CLDN15: variants seen among roughly 807,000 people sequenced by gnomAD.
The protein encoded by CLDN15 is claudin 15.
A neutral mutation model predicts 24.5 loss-of-function variants in CLDN15; 9 were observed. The observed-to-expected ratio is 0.37, with a 90% CI of 0.22 to 0.64. The LOEUF (loss-of-function observed/expected upper bound fraction) is 0.64, where lower values mean the gene tolerates loss of function less well. Ranked by LOEUF, CLDN15 falls within the 30% of genes least tolerant of loss-of-function variation. The pLI is 0.63. For missense variants in CLDN15, 248 were observed against 305.9 expected (o/e 0.81, Z 1.41); for synonymous variants, 149 against 131.4 (o/e 1.13, Z -0.92).
chr7:101,236,918 A>T (rs1052567685), intron 1 of CLDN15: 1 of 837,770 alleles, frequency 1.2e-6, no homozygotes. Context: ...AGAATCCAAG[A>T]TGGGGCCTCC....
At chr7:101,237,920 T>A, upstream of CLDN15, 2 of 352,120 alleles carry the variant, frequency 5.7e-6, no homozygotes, top group Non-Finnish European at 1.1e-5. This position sits in a 1 kb window ranked among gnomAD's most constrained non-coding sequence, Gnocchi z 4.0. Context: ...CCCACGAGGG[T>A]GGGGGGGGCA....
At chr7:101,236,372 C>T (rs1798624226) in intron 1 of CLDN15, among the ~76,000 whole-genome samples, 1 of 152,160 alleles carries the variant, frequency 6.6e-6, no homozygotes, top group Non-Finnish European at 1.5e-5. Context: ...GCACAGGAGA[C>T]CCACCCAGGC....
In CLDN15 at chr7:101,237,660, C is replaced by T. The variant is rs922201795; in HGVS notation, c.-79G>A. The T allele has an allele frequency of 2.0e-5, 21 of 1,040,150 alleles. No homozygotes were observed. The highest frequency in any genetic ancestry group is 9.5e-5 in the African/African-American group (6 of 63,378). The allele number at this position is 1,040,150 out of a possible 1,614,324, so 64.4% of individuals were successfully genotyped here. A position where few individuals can be genotyped will look rare whatever the true frequency, so the allele number is the denominator to read the frequency against. ...ACCCCTAGGGAACTGGAAGGGGCTG[C>T]GGCTAAGGAGGGTTGTCCAGGCAGG... On this transcript the variant is annotated 5_prime_UTR_variant, in exon 1 of 5. Transcript: ENST00000308344. This position sits in a 1 kb window ranked among gnomAD's most constrained non-coding sequence, Gnocchi z 4.0.
At chr7:101,233,017 C>A in intron 2 of CLDN15, 103 bp from the exon 3 acceptor site, 1 of 759,884 alleles carries the variant, frequency 1.3e-6, no homozygotes, top group South Asian at 1.5e-5. Context: ...AGGACGGGGG[C>A]ACCAAGTCCC....
Position 101,232,344 on chromosome 7 carries a change from G to C in CLDN15, c.*66C>G. On this transcript the variant is annotated 3_prime_UTR_variant, in exon 5 of 5. Coordinates refer to ENST00000308344, the MANE Select transcript of CLDN15 (RefSeq NM_014343.3). ...GCCCCTGAGGTTACTATAGGGGAAT[G>C]GGCCCCGGCCAGGTCCCCTCTCCTT... The C allele has an allele frequency of 8.4e-7, 1 of 1,193,494 alleles. No homozygotes were observed. Among genetic ancestry groups the C allele is most frequent in the South Asian group, 1.3e-5 (1 of 76,690 alleles). 73.9% of individuals were successfully genotyped at this position (1,193,494 alleles called of 1,614,324 possible).
At chr7:101,234,136 CA>C (rs1196026389) in intron 2 of CLDN15, 141 bp downstream of exon 2, 1 of 791,670 alleles carries the variant, frequency 1.3e-6, no homozygotes, top group African/African-American at 1.7e-5. Flanking sequence ...ACAGATGAGG[CA>C]GGGGTGAGCA....
In CLDN15 at chr7:101,232,360, C is replaced by A. The variant is rs1166995174; in HGVS notation, c.*50G>T. On this transcript the variant is annotated 3_prime_UTR_variant, in exon 5 of 5. Coordinates refer to ENST00000308344, the MANE Select transcript of CLDN15 (RefSeq NM_014343.3). ...TAGGGGAATGGGCCCCGGCCAGGTC[C>A]CCTCTCCTTGGGGCAGTGGGAAGAC... 1 of 1,371,064 alleles carries A rather than the reference C, an allele frequency of 7.3e-7. No individual in the cohort carries two copies. The allele number at this position is 1,371,064 out of a possible 1,614,324, so 84.9% of individuals were successfully genotyped here. A position where few individuals can be genotyped will look rare whatever the true frequency, so the allele number is the denominator to read the frequency against.
chr7:101,232,591 T>A lies in CLDN15; in HGVS notation c.581+13A>T. On this transcript the variant is annotated intron_variant, in intron 4 of 4. Coordinates refer to ENST00000308344, the MANE Select transcript of CLDN15 (RefSeq NM_014343.3). ...ATCCCGCCCGGCCCCAGCCTGCGCC[T>A]CACCCTGCTCACCTGGCGGCTGGGT... is the stretch of plus-strand genomic sequence containing the variant. 1.3e-6 allele frequency: 2 copies of A among 1,593,654 alleles called. No individual in the cohort carries two copies. Among genetic ancestry groups the A allele is most frequent in the Non-Finnish European group, 1.7e-6 (2 of 1,169,734 alleles).
rs1798515515 is a variant in CLDN15 at position 101,232,310 on chromosome 7, G to C, written c.*100C>G. ...GCCGGGGCGGGGCTACGGGAGCGGG[G>C]CGTGGCCGGCCCCTGAGGTTACTAT... On this transcript the variant is annotated 3_prime_UTR_variant, in exon 5 of 5. Coordinates refer to ENST00000308344, the MANE Select transcript of CLDN15 (RefSeq NM_014343.3). 8.8e-6 allele frequency: 7 copies of C among 799,222 alleles called. No individual in the cohort carries two copies. The highest frequency in any genetic ancestry group is 2.0e-6 in the Non-Finnish European group (1 of 501,014). The allele number at this position is 799,222 out of a possible 1,614,324, so 49.5% of individuals were successfully genotyped here.
intron 1 of CLDN15, among the ~76,000 whole-genome samples, chr7:101,235,803 T>G (rs190011423): frequency 1.3e-5 from 2 of 152,054 alleles, no homozygotes; most frequent in East Asian, 1.9e-4. Flanking sequence ...ATGGAGAGAT[T>G]ATGGAAGAGC....
In CLDN15 at chr7:101,237,345, G is replaced by A. The variant is rs1364415732; in HGVS notation, c.217+20C>T. On this transcript the variant is annotated intron_variant, in intron 1 of 4. Transcript: ENST00000308344. This position sits in a 1 kb window ranked among gnomAD's most constrained non-coding sequence, Gnocchi z 4.0. ...GCTTCCCCGCCGCCCTCTCTCCCTGGAGCGCTCCCCACCCCATACCAGAGA... is the reference window on the plus strand; with the variant it reads ...GCTTCCCCGCCGCCCTCTCTCCCTGAAGCGCTCCCCACCCCATACCAGAGA... 2 of 1,535,952 alleles carry A rather than the reference G, an allele frequency of 1.3e-6. No individual in the cohort carries two copies. The highest frequency in any genetic ancestry group is 1.8e-6 in the Non-Finnish European group (2 of 1,119,270).
At chr7:101,235,902 G>A (rs1258382477) in intron 1 of CLDN15, among the ~76,000 whole-genome samples, 1 of 152,104 alleles carries the variant, frequency 6.6e-6, no homozygotes, top group Non-Finnish European at 1.5e-5. Flanking sequence ...CCCCAGCCGT[G>A]GAGTCTGAAT....
At chr7:101,236,258 T>TC (rs1181209083) in intron 1 of CLDN15, among the ~76,000 whole-genome samples, 4 of 150,680 alleles carry the variant, frequency 2.7e-5, no homozygotes, top group African/African-American at 7.4e-5. Context: ...TAGGGTTTTT[T>TC]TTGGGGGGGG....
intron 1 of CLDN15, chr7:101,236,763 TC>T: frequency 7.7e-7 from 1 of 1,291,260 alleles, no homozygotes; most frequent in African/African-American, 1.5e-5. Context: ...ACACACCGCC[TC>T]CTTACAGCGG....
rs371429129 is a variant in CLDN15 at position 101,232,542 on chromosome 7, G to A, written c.582-27C>T. The A allele has an allele frequency of 6.3e-6, 10 of 1,597,160 alleles. No homozygotes were observed. In the African/African-American group the frequency reaches 1.2e-4, roughly 19 times the overall value. ...TGCGGGGAGGGCCCGGGGTCAGAGC[G>A]GGGGCGCGGCCCTCCTCTCTCCAAT... On this transcript the variant is annotated intron_variant, in intron 4 of 4. Coordinates refer to ENST00000308344, the MANE Select transcript of CLDN15 (RefSeq NM_014343.3).
upstream of CLDN15, chr7:101,237,898 C>A: frequency 2.6e-6 from 1 of 383,092 alleles, no homozygotes; most frequent in Non-Finnish European, 5.0e-6. The surrounding 1 kb of genome is among the most constrained non-coding windows in gnomAD (Gnocchi z 4.0). Flanking sequence ...TGGGCTGCCC[C>A]GGGCTCCCCG....
chr7:101,236,244 T>A (rs1009694971), intron 1 of CLDN15, among the ~76,000 whole-genome samples: 1 of 151,506 alleles, frequency 6.6e-6, no homozygotes, highest in Non-Finnish European at 1.5e-5. Flanking sequence ...GTACTCAGCT[T>A]TTATAGGGTT....
In CLDN15 at chr7:101,237,576, C is replaced by T. The variant is rs1272885657; in HGVS notation, c.6G>A (p.Ser2=). ...AGAAGCCAAAGGTTTCCACAGCCATCGACATGGTGGGATGCAGGACCCTGG... is the reference window on the plus strand; with the variant it reads ...AGAAGCCAAAGGTTTCCACAGCCATTGACATGGTGGGATGCAGGACCCTGG... The part of the protein sequence containing the change: M[S]MAVETFGFFM... The change falls in exon 1 of 5, where the codon TCG becomes TCA. Residue 2 remains serine, a synonymous_variant. Transcript: ENST00000308344. The surrounding 1 kb of genome is among the most constrained non-coding windows in gnomAD (Gnocchi z 4.0). 1 of 1,613,712 alleles carries T rather than the reference C, an allele frequency of 6.2e-7. No homozygotes were observed. The highest frequency in any genetic ancestry group is 8.5e-7 in the Non-Finnish European group (1 of 1,179,646).
intron 2 of CLDN15, chr7:101,233,986 C>G: frequency 1.7e-6 from 1 of 599,314 alleles, no homozygotes; most frequent in South Asian, 1.6e-5. Flanking sequence ...CTCTGCTCCC[C>G]AGCTAGGATG....
Sources: gnomAD v4.1 joint callset for allele counts (sites outside exome capture counted in the v4.1 genomes callset) on GRCh38, gnomAD v4.1.1 for gene constraint, Gnocchi (gnomAD v3.1) non-coding constraint, MANE v1.5 for transcripts, NCBI Gene and HGNC (gene_info 2026-07-23, HGNC 2026-07-21) for gene names.